The following MDGA2 variants were observed in gnomAD, a reference collection of about 807,000 sequenced individuals.
MDGA2 encodes the protein MAM domain containing glycosylphosphatidylinositol anchor 2.
In MDGA2, 40 loss-of-function variants were observed where a neutral mutation model predicts 117.8. That is an observed-to-expected ratio of 0.34 (90% CI 0.26 to 0.44). The LOEUF (loss-of-function observed/expected upper bound fraction) is 0.44. MDGA2 is among the 20% of genes least tolerant of loss of function. The pLI is 1.00. For synonymous variants in MDGA2, 452 were observed against 439.0 expected, an observed-to-expected ratio of 1.03 and a Z score of -0.37; for missense variants, 1,123 against 1,250.6, an observed-to-expected ratio of 0.90 and a Z score of 1.54.
intron 1 of MDGA2, among the ~76,000 whole-genome samples, chr14:47,494,775 T>A (rs964575204): frequency 6.6e-6 from 1 of 151,794 alleles, no homozygotes; most frequent in African/African-American, 2.4e-5. Context: ...ATTTATTGAA[T>A]AGGGTGTCTT....
intron 6 of MDGA2, among the ~76,000 whole-genome samples, chr14:47,082,225 T>C (rs1192467401): frequency 6.6e-6 from 1 of 151,256 alleles, no homozygotes; most frequent in Admixed American, 6.6e-5. Context: ...TGATCAACAC[T>C]CCCATAGAGA....
In MDGA2 at chr14:46,896,255, T is replaced by C. The variant is rs1883072372; in HGVS notation, c.2239-14034A>G. On this transcript the variant is annotated intron_variant, in intron 10 of 16. Transcript: ENST00000399232. ...ATAGCTTTAATTCAATTATTGACAA[T>C]GATAAAAAATTTAATTCTCAAAGTG... is the stretch of plus-strand genomic sequence containing the variant. 1.3e-5 allele frequency among the ~76,000 whole-genome samples: 2 copies of C among 152,078 alleles called. 1 individual carries two copies. The highest frequency in any genetic ancestry group is 1.3e-4 in the Admixed American group (2 of 15,248).
chr14:47,591,634 T>A (rs1243496180), intron 1 of MDGA2, among the ~76,000 whole-genome samples: 1 of 152,096 alleles, frequency 6.6e-6, no homozygotes, highest in Non-Finnish European at 1.5e-5. Context: ...GCAAGTCTGG[T>A]TCAAAATACG....
At chr14:47,548,853 A>C (rs1462664035) in intron 1 of MDGA2, among the ~76,000 whole-genome samples, 1 of 152,172 alleles carries the variant, frequency 6.6e-6, no homozygotes, top group South Asian at 2.1e-4. Context: ...ATTGTCCTTT[A>C]AAGTTGTAGT....
intron 1 of MDGA2, among the ~76,000 whole-genome samples, chr14:47,528,799 A>G (rs1355107388): frequency 2.0e-5 from 3 of 152,070 alleles, no homozygotes; most frequent in African/African-American, 7.2e-5. Flanking sequence ...CTCTTTTTGC[A>G]TCTGATTTTG....
At chr14:47,453,860 AG>A (rs1893290519) in intron 1 of MDGA2, among the ~76,000 whole-genome samples, 1 of 152,176 alleles carries the variant, frequency 6.6e-6, no homozygotes, top group South Asian at 2.1e-4. Context: ...ATTTTGGGTG[AG>A]CACTGACACC....
chr14:47,092,122 A>C (rs1428999571), intron 6 of MDGA2, among the ~76,000 whole-genome samples: 1 of 152,190 alleles, frequency 6.6e-6, no homozygotes, highest in Non-Finnish European at 1.5e-5. Context: ...CAATAGAAAG[A>C]CTATTTTAAT....
At chr14:47,322,511 G>T (rs1000734441) in intron 1 of MDGA2, among the ~76,000 whole-genome samples, 2 of 152,090 alleles carry the variant, frequency 1.3e-5, no homozygotes, top group East Asian at 1.9e-4. Context: ...ACAATCTGAC[G>T]AGGAGATACA....
In MDGA2 at chr14:47,629,067, T is replaced by C. The variant is rs948272911; in HGVS notation, c.280+45450A>G. 2.0e-5 allele frequency among the ~76,000 whole-genome samples: 3 copies of C among 152,232 alleles called. No homozygotes were observed. In the East Asian group the frequency reaches 5.8e-4, roughly 29 times the overall value. On this transcript the variant is annotated intron_variant, in intron 1 of 16. Transcript: ENST00000399232. ...TTCTCTTGATTCTAATAACCACACCTAACAAACATCCTGCATGCTAACCTC... is the reference window on the plus strand; with the variant it reads ...TTCTCTTGATTCTAATAACCACACCCAACAAACATCCTGCATGCTAACCTC...
At chr14:46,974,306 C>T (rs1264707764) in intron 8 of MDGA2, among the ~76,000 whole-genome samples, 1 of 152,034 alleles carries the variant, frequency 6.6e-6, no homozygotes, top group African/African-American at 2.4e-5. Flanking sequence ...TACCCAAAGA[C>T]GTATGCAGAT....
chr14:47,417,041 T>C (rs572269796), intron 1 of MDGA2, among the ~76,000 whole-genome samples: 10 of 152,296 alleles, frequency 6.6e-5, no homozygotes, highest in Non-Finnish European at 1.5e-4. Context: ...ATAAAAGCTA[T>C]TGTGATGAGG....
At chr14:47,320,986 C>T (rs976992850) in intron 1 of MDGA2, among the ~76,000 whole-genome samples, 2 of 152,082 alleles carry the variant, frequency 1.3e-5, no homozygotes, top group Admixed American at 6.6e-5. Flanking sequence ...AGGGCTTCAT[C>T]GGCAGAGGAG....
chr14:47,376,557 G>A (rs1433751951), intron 1 of MDGA2, among the ~76,000 whole-genome samples: 2 of 2,052 alleles, frequency 9.7e-4, no homozygotes, highest in African/African-American at 3.6e-3. Flanking sequence ...TATCTTCTGT[G>A]CCTTTAGTTC....
At chr14:47,172,041 T>C (rs147979844) in intron 3 of MDGA2, among the ~76,000 whole-genome samples, 298 of 152,212 alleles carry the variant, frequency 2.0e-3, no homozygotes, top group Non-Finnish European at 3.3e-3. Context: ...GTCTCGCTGA[T>C]TGCTAGCACA....
intron 1 of MDGA2, among the ~76,000 whole-genome samples, chr14:47,673,632 A>ATGTG (rs10528657): frequency 0.035 from 5,100 of 144,024 alleles, 135 homozygotes; most frequent in East Asian, 0.11. Context: ...TATGACCTGG[A>ATGTG]TGTGTGTGTG....
chr14:47,212,028 T>C (rs970983284), intron 3 of MDGA2, among the ~76,000 whole-genome samples: 10 of 149,794 alleles, frequency 6.7e-5, no homozygotes, highest in African/African-American at 1.9e-4. Flanking sequence ...ATATTTTGAA[T>C]AGACACTCAA....
At chr14:47,577,879 A>C (rs1247322415) in intron 1 of MDGA2, among the ~76,000 whole-genome samples, 1 of 152,244 alleles carries the variant, frequency 6.6e-6, no homozygotes, top group African/African-American at 2.4e-5. Flanking sequence ...TCAAAGATCT[A>C]GAACCAGAAA....
rs532916164 is a variant in MDGA2, at chr14:46,956,154, C to T, written c.2089+1220G>A. On this transcript the variant is annotated intron_variant, in intron 9 of 16. Transcript: ENST00000399232. ...TAGAAATTACCACTTAGAATTTATG[C>T]TATTAATAAGTTTTAAGTCTGGAAC... Among the ~76,000 whole-genome samples the T allele has an allele frequency of 3.9e-5, 6 of 152,186 alleles. No individual in the cohort carries two copies. The East Asian group carries it at 1.2e-3, about 29-fold the overall frequency.
At chr14:47,032,067 A>T (rs934344945) in intron 8 of MDGA2, among the ~76,000 whole-genome samples, 2 of 152,206 alleles carry the variant, frequency 1.3e-5, no homozygotes, top group Non-Finnish European at 2.9e-5. Flanking sequence ...CTGAACAGCT[A>T]TCATGTAAAA....
Sources: allele counts gnomAD v4.1 joint callset (sites outside exome capture counted in the v4.1 genomes callset), GRCh38; gene constraint gnomAD v4.1.1; transcripts MANE v1.5; gene names NCBI Gene and HGNC (gene_info 2026-07-23, HGNC 2026-07-21).